Variants in ARHGEF10 observed in about 807,000 individuals in gnomAD.
ARHGEF10 encodes Rho guanine nucleotide exchange factor (GEF) 10.
Under a neutral mutation model 147.4 loss-of-function variants are expected in ARHGEF10, and 140 were observed. The ratio of observed to expected loss-of-function variants is 0.95; its 90% CI spans 0.83 to 1.09. The LOEUF (loss-of-function observed/expected upper bound fraction) is 1.09, where lower values mean the gene tolerates loss of function less well. ARHGEF10 is among the 50% of genes least tolerant of loss of function. ARHGEF10 has a pLI of 0.00. For missense variants in ARHGEF10, 2,222 were observed against 1,752.7 expected (o/e 1.27, Z -4.78); for synonymous variants, 902 against 695.8 (o/e 1.30, Z -4.67).
chr8:1,866,669 C>G (rs576827197), intron 6 of ARHGEF10, 67 bp downstream of exon 6: 8 of 1,463,198 alleles, frequency 5.5e-6, no homozygotes, highest in Middle Eastern at 2.1e-4. Context: ...GCGGCGGGGC[C>G]GGGTCCCTGA....
rs558587703 is a variant in ARHGEF10 at position 1,838,213 on chromosome 8, C to G, written c.-47-5140C>G. Among the ~76,000 whole-genome samples, 6 of 152,354 alleles carry G rather than the reference C, an allele frequency of 3.9e-5. No homozygotes were observed. The East Asian group carries it at 9.7e-4, about 25-fold the overall frequency. ...GGCCTGGACTCCATCTCCAGCGATC[C>G]TGATGCGTGAGGTGGCATTGGCCCT... is the stretch of plus-strand genomic sequence containing the variant. On this transcript the variant is annotated intron_variant, in intron 1 of 28. Transcript: ENST00000349830.
At chr8:1,877,729 G>T (rs1052296545) in intron 8 of ARHGEF10, among the ~76,000 whole-genome samples, 1 of 151,738 alleles carries the variant, frequency 6.6e-6, no homozygotes, top group Non-Finnish European at 1.5e-5. Context: ...TGTTTTGTTA[G>T]AGTTTTTTTT....
intron 11 of ARHGEF10, among the ~76,000 whole-genome samples, chr8:1,892,227 T>G (rs1315238270): frequency 6.6e-6 from 1 of 151,068 alleles, no homozygotes; most frequent in Non-Finnish European, 1.5e-5. Flanking sequence ...GCTCTGACGT[T>G]TCCTGTGAAT....
At chr8:1,936,567 G>A (rs1478972134) in intron 26 of ARHGEF10, among the ~76,000 whole-genome samples, 2 of 152,102 alleles carry the variant, frequency 1.3e-5, no homozygotes, top group Non-Finnish European at 1.5e-5. Context: ...TCTTCAGTTG[G>A]GGCAAGGGGT....
chr8:1,926,486 TG>T (rs1812703120), intron 23 of ARHGEF10, 23 bp downstream of exon 23: 1 of 1,600,680 alleles, frequency 6.2e-7, no homozygotes, highest in Non-Finnish European at 8.6e-7. Flanking sequence ...TATTTGGTTT[TG>T]GTACAAGTTC....
In ARHGEF10 at chr8:1,933,955, G is replaced by A. The variant is rs767345434; in HGVS notation, c.3222+13G>A. 6.2e-6 allele frequency: 10 copies of A among 1,614,026 alleles called. No individual in the cohort carries two copies. The highest frequency in any genetic ancestry group is 1.3e-5 in the African/African-American group (1 of 74,914). ...TCATGCTGTAGAGGTAAGTCACTTA[G>A]GTGGCTACACGGTGTGGAAAAAATG... On this transcript the variant is annotated intron_variant, in intron 26 of 28. Transcript: ENST00000349830.
intron 11 of ARHGEF10, 75 bp downstream of exon 11, chr8:1,885,782 G>A (rs1808605943): frequency 8.4e-7 from 1 of 1,183,694 alleles, no homozygotes; most frequent in Admixed American, 1.7e-5. Context: ...TGTGTTTGAT[G>A]CTGGTTGGTA....
chr8:1,950,056 G>C (rs1168838908), intron 27 of ARHGEF10, among the ~76,000 whole-genome samples: 1 of 152,094 alleles, frequency 6.6e-6, no homozygotes, highest in Non-Finnish European at 1.5e-5. Context: ...GACTCCCCAC[G>C]GAGTCACCAT....
At chr8:1,890,733 G>A (rs757270794) in intron 11 of ARHGEF10, among the ~76,000 whole-genome samples, 7 of 151,998 alleles carry the variant, frequency 4.6e-5, no homozygotes, top group African/African-American at 1.5e-4. Context: ...GGTAAGAGTC[G>A]AGGTTCTGTG....
chr8:1,825,491 AG>A (rs1458517354), intron 1 of ARHGEF10, among the ~76,000 whole-genome samples: 3 of 81,158 alleles, frequency 3.7e-5, no homozygotes, highest in African/African-American at 5.1e-5. Flanking sequence ...CTCGCACCCC[AG>A]CTGTCCCCCC....
At chr8:1,878,192 G>C (rs1319947951) in intron 8 of ARHGEF10, among the ~76,000 whole-genome samples, 1 of 111,976 alleles carries the variant, frequency 8.9e-6, no homozygotes, top group Non-Finnish European at 1.8e-5. Flanking sequence ...GTAGTTTTTC[G>C]GGTTTTTTTT....
In ARHGEF10 at chr8:1,876,731, G is replaced by T; in HGVS notation, c.840G>T (p.Lys280Asn). 1 of 1,614,140 alleles carries T rather than the reference G, an allele frequency of 6.2e-7. No homozygotes were observed. The highest frequency in any genetic ancestry group is 1.1e-5 in the South Asian group (1 of 91,076). Residue 280 changes from lysine to asparagine, a missense_variant, in exon 8 of 29, where the codon AAG becomes AAT. By Grantham distance (94) the Lys-to-Asn change is moderately conservative (BLOSUM62 0). Transcript: ENST00000349830. Reference protein sequence around the residue: ...PRSFLRSNHKKQLSHDLTRLK... With the variant: ...PRSFLRSNHKNQLSHDLTRLK... ...CCTTCCTGCGCAGCAACCACAAAAA[G>T]CAAGTACGTGTTCCCTGCACATGTG...
At position 1,876,460 on chromosome 8, in the gene ARHGEF10, G is replaced by T. The variant is rs1807712158; in HGVS notation, c.680-111G>T. The stretch of plus-strand genomic sequence containing the variant: ...TCCGCAGGGTCCTCAGCATGATTCA[G>T]ATTTCCTTCCACCCCCAGCTCTAGA... On this transcript the variant is annotated intron_variant, in intron 7 of 28. Coordinates refer to ENST00000349830, the MANE Select transcript of ARHGEF10 (RefSeq NM_014629.4). 16 of 1,176,250 alleles carry T rather than the reference G, an allele frequency of 1.4e-5. No individual in the cohort carries two copies. In the East Asian group the frequency reaches 3.8e-4, roughly 28 times the overall value. The allele number at this position is 1,176,250 out of a possible 1,614,324, so 72.9% of individuals were successfully genotyped here. A position where few individuals can be genotyped will look rare whatever the true frequency, so the allele number is the denominator to read the frequency against.
chr8:1,948,090 G>T lies in ARHGEF10; in HGVS notation c.3397+2435G>T, dbSNP rs574451988. 4.6e-5 allele frequency among the ~76,000 whole-genome samples: 7 copies of T among 152,166 alleles called. No individual in the cohort carries two copies. The South Asian group carries it at 1.5e-3, about 32-fold the overall frequency. Reference sequence around the variant, plus strand: ...CTTCCTTGGGACTTTTCACCCTTCAGCTCATAGTTTCCAGGCGGCCGATGA... The same window carrying T: ...CTTCCTTGGGACTTTTCACCCTTCATCTCATAGTTTCCAGGCGGCCGATGA... On this transcript the variant is annotated intron_variant, in intron 27 of 28. Coordinates refer to ENST00000349830, the MANE Select transcript of ARHGEF10 (RefSeq NM_014629.4). This position sits in a 1 kb window ranked among gnomAD's most constrained non-coding sequence, Gnocchi z 4.9.
At chr8:1,893,721 A>G (rs10093474) in intron 12 of ARHGEF10, 75 bp downstream of exon 12, 364 of 1,183,888 alleles carry the variant, frequency 3.1e-4, no homozygotes, top group Non-Finnish European at 4.3e-4. Flanking sequence ...TGATCCATAA[A>G]TGCAAAGCAT....
In ARHGEF10 at chr8:1,833,323, G is replaced by GA. The variant is rs1491552655; in HGVS notation, c.-48+9211dup. Among the ~76,000 whole-genome samples the GA allele has an allele frequency of 1.9e-4, 27 of 138,708 alleles. 1 individual carries two copies. Among genetic ancestry groups the GA allele is most frequent in the African/African-American group, 6.9e-4 (25 of 36,230 alleles). 91.0% of individuals were successfully genotyped at this position (138,708 alleles called of 152,430 possible). A position where few individuals can be genotyped will look rare whatever the true frequency, so the allele number is the denominator to read the frequency against. ...ACAGAGGCAGAGACAGAAGCAGAGGGAGACAGAGACAGAGGCAGAGACAGA... is the reference window on the plus strand; with the variant it reads ...ACAGAGGCAGAGACAGAAGCAGAGGGAAGACAGAGACAGAGGCAGAGACAGA... On this transcript the variant is annotated intron_variant, in intron 1 of 28. Transcript: ENST00000349830.
At chr8:1,938,846 C>T (rs1336916041) in intron 26 of ARHGEF10, among the ~76,000 whole-genome samples, 2 of 152,204 alleles carry the variant, frequency 1.3e-5, no homozygotes, top group South Asian at 4.2e-4. Flanking sequence ...GAATCTCAGT[C>T]CCCAGAAAAT....
chr8:1,869,480 A>T (rs1806906956), intron 7 of ARHGEF10: 1 of 648,526 alleles, frequency 1.5e-6, no homozygotes, highest in South Asian at 1.6e-5. Flanking sequence ...ATCCCAAGCA[A>T]ACAGAGGAGT....
intron 23 of ARHGEF10, chr8:1,926,879 G>A: frequency 3.3e-6 from 1 of 304,010 alleles, no homozygotes; most frequent in Non-Finnish European, 6.3e-6. Flanking sequence ...AAATTAGGCT[G>A]GAATTGCAGT....
Sources: allele counts gnomAD v4.1 joint callset (sites outside exome capture counted in the v4.1 genomes callset), GRCh38; gene constraint gnomAD v4.1.1; non-coding constraint Gnocchi (gnomAD v3.1); transcripts MANE v1.5; gene names NCBI Gene and HGNC (gene_info 2026-07-23, HGNC 2026-07-21).